Variants in CTNND2 observed in about 807,000 individuals in gnomAD.
CTNND2 encodes catenin delta 2.
Under a neutral mutation model 144.4 loss-of-function variants are expected in CTNND2, and 22 were observed. That is an observed-to-expected ratio of 0.15 (90% CI 0.11 to 0.22). The LOEUF is 0.22. CTNND2 is among the 10% of genes least tolerant of loss of function. The pLI is 1.00. For missense variants in CTNND2, 1,353 were observed against 1,618.8 expected (o/e 0.84, Z 2.82); for synonymous variants, 751 against 695.6 (o/e 1.08, Z -1.25).
intron 11 of CTNND2, among the ~76,000 whole-genome samples, chr5:11,197,759 A>T (rs752525377): frequency 1.3e-4 from 20 of 152,180 alleles, no homozygotes; most frequent in Non-Finnish European, 2.2e-4. Context: ...AGAAGATGTC[A>T]TGTGTCAGGG....
chr5:11,175,211 T>A (rs547223743), intron 11 of CTNND2, among the ~76,000 whole-genome samples: 2 of 152,274 alleles, frequency 1.3e-5, no homozygotes, highest in East Asian at 3.9e-4. Context: ...CTTTATCAAA[T>A]CTTAGGTTCA....
intron 10 of CTNND2, among the ~76,000 whole-genome samples, chr5:11,230,310 A>G (rs1483435362): frequency 1.3e-5 from 2 of 151,136 alleles, no homozygotes; most frequent in Non-Finnish European, 2.9e-5. Flanking sequence ...TGGCACATGT[A>G]TACATATGTA....
chr5:11,150,835 A>G (rs1268511497), intron 12 of CTNND2, among the ~76,000 whole-genome samples: 1 of 152,110 alleles, frequency 6.6e-6, no homozygotes, highest in Non-Finnish European at 1.5e-5. Flanking sequence ...CATGTTGGTC[A>G]GGCTGGTCTG....
chr5:11,442,367 T>C lies in CTNND2; in HGVS notation c.288-30298A>G, dbSNP rs571399870. On this transcript the variant is annotated intron_variant, in intron 3 of 21. Coordinates refer to ENST00000304623, the MANE Select transcript of CTNND2 (RefSeq NM_001332.4). ...GAATACACCAAAGTTATCTAATTAG[T>C]TTGTTGCAGATTTTGCTTAGTGGTT... 7.9e-5 allele frequency among the ~76,000 whole-genome samples: 12 copies of C among 152,284 alleles called. No homozygotes were observed. In the East Asian group the frequency reaches 2.1e-3, roughly 27 times the overall value.
Position 11,096,160 on chromosome 5 carries a change from CATTAT to C in CTNND2, c.2637+2410_2637+2414del, listed in dbSNP as rs752641652. 2.7e-4 allele frequency among the ~76,000 whole-genome samples: 41 copies of C among 151,996 alleles called. 1 individual carries two copies. The highest frequency in any genetic ancestry group is 3.9e-4 in the Admixed American group (6 of 15,258). ...CCATTCCACATAATTTTTGTTCAGG[CATTAT>C]ATTATATTATATTTATTATACTTTA... On this transcript the variant is annotated intron_variant, in intron 15 of 21. Coordinates refer to ENST00000304623, the MANE Select transcript of CTNND2 (RefSeq NM_001332.4).
chr5:11,765,187 T>TG (rs756220884), intron 1 of CTNND2, among the ~76,000 whole-genome samples: 7 of 152,210 alleles, frequency 4.6e-5, no homozygotes, highest in Admixed American at 2.0e-4. Flanking sequence ...TAAGGGCAGA[T>TG]GAATTAAGAG....
chr5:11,414,842 C>T (rs1009259642), intron 3 of CTNND2, among the ~76,000 whole-genome samples: 1 of 152,190 alleles, frequency 6.6e-6, no homozygotes, highest in African/African-American at 2.4e-5. Context: ...TAAGTGAGAA[C>T]ATGCAGTCTT....
intron 16 of CTNND2, among the ~76,000 whole-genome samples, chr5:11,046,014 C>G (rs1745206188): frequency 6.6e-6 from 1 of 152,222 alleles, no homozygotes; most frequent in Admixed American, 6.5e-5. Flanking sequence ...TGGCTGCTGG[C>G]TCAGCAGCTG....
At chr5:11,704,595 C>T (rs138200461) in intron 2 of CTNND2, among the ~76,000 whole-genome samples, 364 of 152,140 alleles carry the variant, frequency 2.4e-3, no homozygotes, top group Admixed American at 6.9e-3. Flanking sequence ...AGGTTTGGAA[C>T]GGACTGTGTT....
chr5:11,078,974 C>T (rs564251066), intron 16 of CTNND2, among the ~76,000 whole-genome samples: 1 of 152,290 alleles, frequency 6.6e-6, no homozygotes, highest in East Asian at 1.9e-4. Flanking sequence ...GATTTGCAGC[C>T]TGGCCTTGCA....
At position 11,360,397 on chromosome 5, in the gene CTNND2, G is replaced by A. The variant is rs532361442; in HGVS notation, c.1372+4299C>T. Among the ~76,000 whole-genome samples the A allele has an allele frequency of 2.0e-5, 3 of 152,234 alleles. 1 individual carries two copies. In the East Asian group the frequency reaches 5.8e-4, roughly 29 times the overall value. ...CTAGAATGGTCTCTTACTCATGTTAGCCTTAGTGGTGTTTTGAGTAAGGAA... is the reference window on the plus strand; with the variant it reads ...CTAGAATGGTCTCTTACTCATGTTAACCTTAGTGGTGTTTTGAGTAAGGAA... On this transcript the variant is annotated intron_variant, in intron 8 of 21. Transcript: ENST00000304623.
rs1266813342 is a variant in CTNND2, at chr5:11,018,128, A to G, written c.3000-70T>C. On this transcript the variant is annotated intron_variant, in intron 17 of 21. Transcript: ENST00000304623. ...TGTGTCACATTTCTGTAATTCTTGT[A>G]GTATTTCAAACCTCTTCATTATTAT... The G allele has an allele frequency of 1.0e-5, 11 of 1,048,586 alleles. No homozygotes were observed. The Admixed American group carries it at 1.2e-4, about 12-fold the overall frequency. 65.0% of individuals were successfully genotyped at this position (1,048,586 alleles called of 1,614,324 possible). A position where few individuals can be genotyped will look rare whatever the true frequency, so the allele number is the denominator to read the frequency against.
chr5:11,231,994 C>A (rs1741080628), intron 10 of CTNND2, among the ~76,000 whole-genome samples: 1 of 152,224 alleles, frequency 6.6e-6, no homozygotes, highest in Admixed American at 6.5e-5. Flanking sequence ...CAGGCCATTG[C>A]TTCAGAGGGT....
intron 18 of CTNND2, among the ~76,000 whole-genome samples, chr5:10,999,624 G>A (rs569832020): frequency 1.3e-5 from 2 of 152,310 alleles, no homozygotes; most frequent in East Asian, 3.9e-4. Context: ...TGAAGACGCA[G>A]CTAAGCTGTC....
chr5:11,607,253 C>T (rs1780098917), intron 2 of CTNND2, among the ~76,000 whole-genome samples: 1 of 152,116 alleles, frequency 6.6e-6, no homozygotes, highest in Admixed American at 6.6e-5. Flanking sequence ...GTTGTTGAAG[C>T]CACTTGGTTT....
chr5:11,537,854 A>AT (rs1490178119), intron 3 of CTNND2, among the ~76,000 whole-genome samples: 15 of 152,166 alleles, frequency 9.9e-5, no homozygotes, highest in African/African-American at 3.6e-4. Context: ...TACTTTATAA[A>AT]TTTTTTTCAT....
At chr5:11,352,157 T>C (rs1462254149) in intron 8 of CTNND2, among the ~76,000 whole-genome samples, 1 of 152,242 alleles carries the variant, frequency 6.6e-6, no homozygotes, top group Non-Finnish European at 1.5e-5. Context: ...AGGCATTTAA[T>C]GCATGATTCT....
chr5:11,098,244 C>T (rs1751549777), intron 15 of CTNND2, among the ~76,000 whole-genome samples: 1 of 152,094 alleles, frequency 6.6e-6, no homozygotes, highest in South Asian at 2.1e-4. Context: ...AATGATAGTG[C>T]TTTGAAAAAA....
At chr5:11,414,812 C>T (rs1452284559) in intron 3 of CTNND2, among the ~76,000 whole-genome samples, 1 of 152,178 alleles carries the variant, frequency 6.6e-6, no homozygotes, top group Non-Finnish European at 1.5e-5. Flanking sequence ...CATAAGTTCT[C>T]ATCATTTAGC....
Sources: gnomAD v4.1 joint callset for allele counts (sites outside exome capture counted in the v4.1 genomes callset) on GRCh38, gnomAD v4.1.1 for gene constraint, MANE v1.5 for transcripts, NCBI Gene and HGNC (gene_info 2026-07-23, HGNC 2026-07-21) for gene names.